NTRK2: variants seen among roughly 807,000 people sequenced by gnomAD.
NTRK2 encodes the protein neurotrophic receptor tyrosine kinase 2, also known as BDNF/NT-3 growth factors receptor.
In NTRK2, 13 loss-of-function variants were observed where a neutral mutation model predicts 94.5. The observed-to-expected ratio is 0.14, with a 90% confidence interval of 0.09 to 0.22. NTRK2 has a LOEUF of 0.22. Among genes scored for constraint, NTRK2 ranks in the 10% least tolerant of loss-of-function variants. NTRK2 has a pLI of 1.00. For synonymous variants in NTRK2, 372 were observed against 407.4 expected (o/e 0.91, Z 1.05); for missense variants, 639 against 1,071.2 (o/e 0.60, Z 5.63).
At chr9:84,770,926 C>G (rs1480240816) in intron 12 of NTRK2, among the ~76,000 whole-genome samples, 2 of 152,142 alleles carry the variant, frequency 1.3e-5, no homozygotes, top group Non-Finnish European at 2.9e-5. Flanking sequence ...CCTTTCCCCC[C>G]TGGGTATTAA....
At chr9:84,765,517 G>A (rs1331329017) in intron 12 of NTRK2, among the ~76,000 whole-genome samples, 1 of 152,154 alleles carries the variant, frequency 6.6e-6, no homozygotes, top group Non-Finnish European at 1.5e-5. Flanking sequence ...CAGAGAACTT[G>A]AGCGACTTGC....
At chr9:84,704,694 A>G (rs28419368) in intron 4 of NTRK2, among the ~76,000 whole-genome samples, 79 of 152,324 alleles carry the variant, frequency 5.2e-4, no homozygotes, top group African/African-American at 1.8e-3. Context: ...CAAAAATGCT[A>G]CTAATATTTA....
chr9:84,921,235 T>C (rs2132578783), intron 14 of NTRK2, among the ~76,000 whole-genome samples: 1 of 152,340 alleles, frequency 6.6e-6, no homozygotes, highest in East Asian at 1.9e-4. Context: ...ATTAGGTAAA[T>C]GTGACTTTGT....
At chr9:84,905,972 G>A (rs1163076448) in intron 14 of NTRK2, among the ~76,000 whole-genome samples, 2 of 152,206 alleles carry the variant, frequency 1.3e-5, no homozygotes, top group African/African-American at 2.4e-5. Flanking sequence ...AAGAACATGA[G>A]TGGAAGCTCA....
intron 11 of NTRK2, 22 bp from the exon 12 acceptor site, chr9:84,751,964 C>A (rs1179282780): frequency 1.9e-6 from 3 of 1,604,042 alleles, no homozygotes; most frequent in Admixed American, 3.3e-5. Flanking sequence ...AGGTTATAAC[C>A]ACCCTCCCTT....
At chr9:84,818,542 G>C (rs1325990455) in intron 12 of NTRK2, among the ~76,000 whole-genome samples, 1 of 152,150 alleles carries the variant, frequency 6.6e-6, no homozygotes, top group Non-Finnish European at 1.5e-5. Flanking sequence ...AGTGAAATTG[G>C]CACATACATT....
chr9:85,003,817 G>A (rs1431885074), intron 17 of NTRK2, among the ~76,000 whole-genome samples: 2 of 151,074 alleles, frequency 1.3e-5, no homozygotes, highest in Admixed American at 6.6e-5. Context: ...GAAGATGGGG[G>A]GAATGGGGTG....
intron 14 of NTRK2, chr9:84,877,850 ATCAT>A (rs2076127165): frequency 7.7e-6 from 8 of 1,039,150 alleles, no homozygotes; most frequent in African/African-American, 1.7e-5. Context: ...GATGTAGTTG[ATCAT>A]TCAGAGCCAA....
intron 12 of NTRK2, among the ~76,000 whole-genome samples, chr9:84,773,013 C>T (rs1437894659): frequency 6.6e-6 from 1 of 152,112 alleles, no homozygotes; most frequent in African/African-American, 2.4e-5. Context: ...ATTGAGAGTG[C>T]TAGAATGTCT....
intron 12 of NTRK2, among the ~76,000 whole-genome samples, chr9:84,788,157 A>G (rs1392894111): frequency 1.3e-5 from 2 of 152,322 alleles, no homozygotes; most frequent in South Asian, 2.1e-4. Context: ...CACGATCATC[A>G]TTATGTTATT....
intron 14 of NTRK2, chr9:84,873,163 G>T: frequency 9.4e-7 from 1 of 1,063,320 alleles, no homozygotes; most frequent in Non-Finnish European, 1.1e-6. Flanking sequence ...ACTGAAAAAC[G>T]GGTAGAAACA....
At chr9:84,994,866 C>G (rs974983844) in intron 17 of NTRK2, among the ~76,000 whole-genome samples, 4 of 152,172 alleles carry the variant, frequency 2.6e-5, no homozygotes, top group African/African-American at 9.7e-5. Context: ...AGAGTTCCTG[C>G]CCAATGTGTG....
chr9:85,018,141 A>G (rs994281217), intron 17 of NTRK2, among the ~76,000 whole-genome samples: 1 of 152,134 alleles, frequency 6.6e-6, no homozygotes, highest in African/African-American at 2.4e-5. Flanking sequence ...TCCTATCTGC[A>G]CCACCCAGGC....
intron 2 of NTRK2, among the ~76,000 whole-genome samples, chr9:84,677,210 G>T (rs757962512): frequency 6.6e-6 from 1 of 152,106 alleles, no homozygotes; most frequent in Non-Finnish European, 1.5e-5. Flanking sequence ...GGAGAAACCC[G>T]CAGCCCTTTC....
chr9:84,854,542 A>T (rs370109735), intron 12 of NTRK2, among the ~76,000 whole-genome samples: 11 of 152,260 alleles, frequency 7.2e-5, no homozygotes, highest in African/African-American at 2.4e-4. Context: ...GAATGAGATG[A>T]TAGAGAGTGG....
intron 14 of NTRK2, among the ~76,000 whole-genome samples, chr9:84,887,471 C>T (rs2076452635): frequency 6.6e-6 from 1 of 152,210 alleles, no homozygotes. Context: ...GGGAAGATTT[C>T]CTGCTCTCAA....
At chr9:84,707,413 T>A (rs2061173283) in intron 4 of NTRK2, among the ~76,000 whole-genome samples, 1 of 152,220 alleles carries the variant, frequency 6.6e-6, no homozygotes, top group Non-Finnish European at 1.5e-5. Context: ...GAGTTTTGTA[T>A]GCCACATAAT....
intron 12 of NTRK2, among the ~76,000 whole-genome samples, chr9:84,834,814 G>C (rs551769320): frequency 4.6e-5 from 7 of 151,748 alleles, no homozygotes; most frequent in Admixed American, 1.3e-4. Flanking sequence ...AGGGCTGCCT[G>C]CTTGGTTTAA....
intron 11 of NTRK2, among the ~76,000 whole-genome samples, chr9:84,748,734 G>A (rs2064316353): frequency 6.6e-6 from 1 of 152,116 alleles, no homozygotes; most frequent in African/African-American, 2.4e-5. Context: ...CCATCTATCT[G>A]TAGAAGTCTG....
Sources: allele counts gnomAD v4.1 joint callset (sites outside exome capture counted in the v4.1 genomes callset), GRCh38; gene constraint gnomAD v4.1.1; transcripts MANE v1.5; gene names NCBI Gene and HGNC (gene_info 2026-07-23, HGNC 2026-07-21).